FOXP2: variants seen among roughly 807,000 people sequenced by gnomAD.
FOXP2 encodes forkhead box protein P2.
FOXP2 carries 12 observed loss-of-function variants against 115.8 expected under a neutral mutation model. That is an observed-to-expected ratio of 0.10 (90% CI 0.07 to 0.17). The LOEUF (loss-of-function observed/expected upper bound fraction) is 0.17. Among genes scored for constraint, FOXP2 ranks in the 10% least tolerant of loss-of-function variants. The probability of loss-of-function intolerance (pLI) is 1.00; values close to 1 mark genes in which losing one functional copy is unlikely to be tolerated. For synonymous variants in FOXP2, 328 were observed against 297.7 expected, an observed-to-expected ratio of 1.10 and a Z score of -1.05; for missense variants, 629 against 843.5, an observed-to-expected ratio of 0.75 and a Z score of 3.15.
At chr7:114,243,264 A>G (rs1345103971) in intron 1 of FOXP2, among the ~76,000 whole-genome samples, 3 of 64,526 alleles carry the variant, frequency 4.6e-5, no homozygotes, top group African/African-American at 2.5e-4. Flanking sequence ...ATGAGCCAGA[A>G]AAAAAAAAAA....
At chr7:114,650,877 A>G (rs982793582) in intron 8 of FOXP2, among the ~76,000 whole-genome samples, 1 of 152,112 alleles carries the variant, frequency 6.6e-6, no homozygotes, top group Non-Finnish European at 1.5e-5. Flanking sequence ...ATAAGGAAGT[A>G]TTAAAACAAA....
intron 1 of FOXP2, among the ~76,000 whole-genome samples, chr7:114,423,417 G>T (rs1793703182): frequency 6.6e-6 from 1 of 151,610 alleles, no homozygotes; most frequent in South Asian, 2.1e-4. Flanking sequence ...ATGCAGGGGA[G>T]AAAAGTCTAA....
intron 1 of FOXP2, among the ~76,000 whole-genome samples, chr7:114,176,157 C>T (rs999070438): frequency 6.6e-6 from 1 of 151,468 alleles, no homozygotes; most frequent in South Asian, 2.1e-4. Flanking sequence ...AAACATTGAT[C>T]CACACAGGTT....
At chr7:114,452,761 T>A (rs1371033827) in intron 2 of FOXP2, among the ~76,000 whole-genome samples, 1 of 152,100 alleles carries the variant, frequency 6.6e-6, no homozygotes, top group Non-Finnish European at 1.5e-5. Flanking sequence ...ATGAATATAC[T>A]GAATATGGGG....
At chr7:114,382,556 A>C (rs996491841) in intron 2 of FOXP2, among the ~76,000 whole-genome samples, 1 of 151,932 alleles carries the variant, frequency 6.6e-6, no homozygotes, top group African/African-American at 2.4e-5. Context: ...CAGAACCTCC[A>C]AAGTCTGCTT....
chr7:114,136,684 GA>G (rs547560293), intron 1 of FOXP2, among the ~76,000 whole-genome samples: 3,527 of 141,670 alleles, frequency 0.025, 55 homozygotes, highest in Non-Finnish European at 0.039. Flanking sequence ...CTAGCATTCA[GA>G]AAAAAAAAAG....
At chr7:114,128,696 T>G (rs895608646) in intron 1 of FOXP2, among the ~76,000 whole-genome samples, 1 of 152,118 alleles carries the variant, frequency 6.6e-6, no homozygotes. Flanking sequence ...TTTTAGTGTT[T>G]GGCCTAGATT....
At chr7:114,620,138 A>C (rs536683995) in intron 3 of FOXP2, among the ~76,000 whole-genome samples, 1 of 152,036 alleles carries the variant, frequency 6.6e-6, no homozygotes, top group Admixed American at 6.6e-5. Flanking sequence ...TCAAGCTGTA[A>C]TATCTAGAGG....
At chr7:114,589,258 A>G (rs1802318028) in intron 3 of FOXP2, among the ~76,000 whole-genome samples, 1 of 151,866 alleles carries the variant, frequency 6.6e-6, no homozygotes, top group South Asian at 2.1e-4. Flanking sequence ...TCAAATACCT[A>G]ATGTTTTTTG....
chr7:114,659,553 G>A lies in FOXP2; in HGVS notation c.1546-19G>A. 6.2e-7 allele frequency: 1 copy of A among 1,605,016 alleles called. No homozygotes were observed. The highest frequency in any genetic ancestry group is 8.5e-7 in the Non-Finnish European group (1 of 1,171,830). On this transcript the variant is annotated intron_variant, in intron 12 of 16. Transcript: ENST00000350908. ...GTAAACCATTATTTTATGTCACTATGTATCTTGTCTCATTTCAGGCTATCA... is the reference window on the plus strand; with the variant it reads ...GTAAACCATTATTTTATGTCACTATATATCTTGTCTCATTTCAGGCTATCA...
rs749484639 is a variant in FOXP2, at chr7:114,367,451, C to CCCT, written c.-10-59048_-10-59046dup. Among the ~76,000 whole-genome samples the CCCT allele has an allele frequency of 6.7e-4, 102 of 152,072 alleles. No individual in the cohort carries two copies. In the Middle Eastern group the frequency reaches 0.024, roughly 35 times the overall value. ...ACCATGGAGGAATCATTGTTGTGGC[C>CCCT]CCTCCAATCAGACCCCCTTATTCTC... On this transcript the variant is annotated intron_variant, in intron 2 of 17. Transcript: ENST00000634411.
At chr7:114,253,663 C>T (rs1322549671) in intron 1 of FOXP2, among the ~76,000 whole-genome samples, 1 of 152,100 alleles carries the variant, frequency 6.6e-6, no homozygotes, top group African/African-American at 2.4e-5. Context: ...TCCTCCATCC[C>T]TTTATTTTGA....
chr7:114,158,461 G>T (rs995076832), upstream of FOXP2, among the ~76,000 whole-genome samples: 2 of 151,770 alleles, frequency 1.3e-5, no homozygotes, highest in Non-Finnish European at 2.9e-5. Context: ...CAGTCTGTCT[G>T]GGAAATTCCG....
At chr7:114,323,980 G>A (rs1797493041) in intron 2 of FOXP2, among the ~76,000 whole-genome samples, 2 of 151,802 alleles carry the variant, frequency 1.3e-5, no homozygotes, top group African/African-American at 4.8e-5. Flanking sequence ...CAATCCATAT[G>A]CCTATCAATA....
chr7:114,379,446 T>A (rs72603564), intron 2 of FOXP2, among the ~76,000 whole-genome samples: 10,424 of 152,056 alleles, frequency 0.069, 629 homozygotes, highest in East Asian at 0.34. Context: ...ACCCAAGTGT[T>A]GTTGGGGAGG....
At chr7:114,332,405 G>A (rs1222816523) in intron 2 of FOXP2, among the ~76,000 whole-genome samples, 2 of 152,088 alleles carry the variant, frequency 1.3e-5, no homozygotes, top group Non-Finnish European at 2.9e-5. Context: ...GTTGCTGCAT[G>A]AGGAGGGTTC....
intron 2 of FOXP2, among the ~76,000 whole-genome samples, chr7:114,401,230 T>G (rs1792880317): frequency 6.6e-6 from 1 of 152,172 alleles, no homozygotes; most frequent in East Asian, 1.9e-4. Context: ...ATAAATGTTG[T>G]CATAGAATCC....
intron 2 of FOXP2, among the ~76,000 whole-genome samples, chr7:114,338,723 A>C (rs1791116068): frequency 6.7e-6 from 1 of 148,370 alleles, no homozygotes; most frequent in Admixed American, 6.9e-5. Context: ...ACAAAAATAC[A>C]AAAACTGAGT....
At chr7:114,284,496 C>A (rs12112038) in intron 1 of FOXP2, among the ~76,000 whole-genome samples, 6,021 of 152,122 alleles carry the variant, frequency 0.04, 295 homozygotes, top group African/African-American at 0.12. Flanking sequence ...CTTTAGGTTT[C>A]TAAAATAAGA....
Sources: gnomAD v4.1 joint callset for allele counts (sites outside exome capture counted in the v4.1 genomes callset) on GRCh38, gnomAD v4.1.1 for gene constraint, MANE v1.5 for transcripts, NCBI Gene and HGNC (gene_info 2026-07-23, HGNC 2026-07-21) for gene names.